UVRAG: variants seen among roughly 807,000 people sequenced by gnomAD.
The protein encoded by UVRAG is UV radiation resistance-associated gene protein.
In UVRAG, 19 loss-of-function variants were observed where a neutral mutation model predicts 78.0. The ratio of observed to expected loss-of-function variants is 0.24; its 90% confidence interval spans 0.17 to 0.36. The LOEUF (loss-of-function observed/expected upper bound fraction) is 0.36, where lower values mean the gene tolerates loss of function less well. UVRAG is among the 10% of genes least tolerant of loss of function. UVRAG has a pLI of 1.00. For missense variants in UVRAG, 740 were observed against 853.8 expected (o/e 0.87, Z 1.66); for synonymous variants, 323 against 324.6 (o/e 1.00, Z 0.05).
intron 9 of UVRAG, among the ~76,000 whole-genome samples, chr11:76,006,328 G>T (rs192490869): frequency 2.6e-5 from 4 of 151,976 alleles, no homozygotes; most frequent in African/African-American, 9.7e-5. Flanking sequence ...TACTTTACAG[G>T]TATTTTATGT....
At chr11:76,020,117 C>A (rs893673479) in intron 12 of UVRAG, among the ~76,000 whole-genome samples, 1 of 152,200 alleles carries the variant, frequency 6.6e-6, no homozygotes, top group Non-Finnish European at 1.5e-5. Flanking sequence ...CCACCATCAC[C>A]TAGACCCACG....
chr11:75,960,458 T>C (rs984889407), intron 6 of UVRAG, among the ~76,000 whole-genome samples: 1 of 152,144 alleles, frequency 6.6e-6, no homozygotes, highest in Admixed American at 6.5e-5. Flanking sequence ...GTATAAGAAA[T>C]ACATGAGCTA....
intron 12 of UVRAG, among the ~76,000 whole-genome samples, chr11:76,019,456 A>G (rs1036696017): frequency 3.3e-5 from 5 of 152,188 alleles, no homozygotes; most frequent in African/African-American, 1.2e-4. Flanking sequence ...TAGTCTCCAC[A>G]GTGTGGGCTT....
At chr11:75,855,748 T>C (rs1315227420) in intron 2 of UVRAG, among the ~76,000 whole-genome samples, 4 of 152,226 alleles carry the variant, frequency 2.6e-5, no homozygotes, top group African/African-American at 9.7e-5. Flanking sequence ...TCCGAAATGC[T>C]GGTTTCTAAG....
At chr11:76,034,100 T>G (rs1950485147) in intron 12 of UVRAG, among the ~76,000 whole-genome samples, 1 of 152,230 alleles carries the variant, frequency 6.6e-6, no homozygotes, top group Non-Finnish European at 1.5e-5. Context: ...GTTTTGGAAT[T>G]ATTCATAATT....
At chr11:76,021,814 G>A (rs1439816577) in intron 12 of UVRAG, among the ~76,000 whole-genome samples, 1 of 152,204 alleles carries the variant, frequency 6.6e-6, no homozygotes, top group African/African-American at 2.4e-5. Flanking sequence ...AGCACTCTGG[G>A]AGGCCAAGGC....
chr11:75,976,900 C>T (rs1326608910), intron 7 of UVRAG, among the ~76,000 whole-genome samples: 2 of 151,906 alleles, frequency 1.3e-5, no homozygotes, highest in Admixed American at 6.6e-5. Flanking sequence ...TTATTTCTTG[C>T]CTTCTGCTAG....
intron 12 of UVRAG, among the ~76,000 whole-genome samples, chr11:76,044,590 A>T (rs939502755): frequency 6.6e-6 from 1 of 152,076 alleles, no homozygotes; most frequent in African/African-American, 2.4e-5. Flanking sequence ...TGGGCAACAC[A>T]GTGAAACCCT....
chr11:76,081,224 T>C (rs1036669203), intron 13 of UVRAG, among the ~76,000 whole-genome samples: 9 of 152,180 alleles, frequency 5.9e-5, no homozygotes, highest in African/African-American at 2.2e-4. Context: ...CTTTTTTTTT[T>C]TGAGATGGTC....
Position 76,048,715 on chromosome 11 carries a change from T to G in UVRAG, c.1227-16995T>G, listed in dbSNP as rs1458359141. On this transcript the variant is annotated intron_variant, in intron 12 of 14. Coordinates refer to ENST00000356136, the MANE Select transcript of UVRAG (RefSeq NM_003369.4). ...TATAATGCAATTCCTAGACAGCATATTCACTTTAGAAAACTGACTTTAGCT... is the reference window on the plus strand; with the variant it reads ...TATAATGCAATTCCTAGACAGCATAGTCACTTTAGAAAACTGACTTTAGCT... Among the ~76,000 whole-genome samples, 8 of 152,356 alleles carry G rather than the reference T, an allele frequency of 5.3e-5. No homozygotes were observed. In the East Asian group the frequency reaches 1.5e-3, roughly 29 times the overall value.
At chr11:76,107,435 A>T (rs766915726) in intron 13 of UVRAG, among the ~76,000 whole-genome samples, 2 of 152,214 alleles carry the variant, frequency 1.3e-5, no homozygotes, top group Non-Finnish European at 2.9e-5. Context: ...GACTGGAAGG[A>T]GAAATGAAAG....
chr11:75,865,468 G>T (rs367984598), intron 3 of UVRAG, among the ~76,000 whole-genome samples: 2 of 152,082 alleles, frequency 1.3e-5, no homozygotes, highest in Admixed American at 1.3e-4. Context: ...GTTGCCACTG[G>T]CCACATGTGG....
chr11:75,960,132 G>C (rs950657726), intron 6 of UVRAG, among the ~76,000 whole-genome samples: 3 of 151,660 alleles, frequency 2.0e-5, no homozygotes, highest in Non-Finnish European at 2.9e-5. Context: ...GACATGAAGT[G>C]ACCACATGCT....
chr11:76,000,743 T>C lies in UVRAG; in HGVS notation c.827-3262T>C, dbSNP rs370039073. Among the ~76,000 whole-genome samples the C allele has an allele frequency of 2.0e-3, 299 of 152,298 alleles. 2 individuals are homozygous for C. The highest frequency in any genetic ancestry group is 7.0e-3 in the African/African-American group (291 of 41,566). On this transcript the variant is annotated intron_variant, in intron 8 of 14. Coordinates refer to ENST00000356136, the MANE Select transcript of UVRAG (RefSeq NM_003369.4). ...TATATTAATATCTGGCAAAGTAGAC[T>C]TCAAAACAAGGATTACTACCTGGAA... is the stretch of plus-strand genomic sequence containing the variant.
intron 6 of UVRAG, among the ~76,000 whole-genome samples, chr11:75,952,858 A>AT (rs1948729510): frequency 6.6e-6 from 1 of 152,020 alleles, no homozygotes; most frequent in African/African-American, 2.4e-5. Context: ...TGCTACTGGC[A>AT]TTTTACCGGT....
intron 14 of UVRAG, among the ~76,000 whole-genome samples, chr11:76,133,220 C>G (rs541587167): frequency 1.3e-5 from 2 of 152,152 alleles, no homozygotes; most frequent in South Asian, 4.2e-4. Context: ...CTCATTTAAT[C>G]CTTACTGCAG....
chr11:75,954,060 G>A (rs955400294), intron 6 of UVRAG, among the ~76,000 whole-genome samples: 1 of 152,130 alleles, frequency 6.6e-6, no homozygotes, highest in Non-Finnish European at 1.5e-5. Flanking sequence ...ATCCCCAGGG[G>A]AATCAGGATG....
chr11:75,840,434 G>T lies in UVRAG; in HGVS notation c.118-11449G>T, dbSNP rs184812391. ...ATGGGGCGGGGGAAGGCAAGTTTTG[G>T]GGCCTTTCACCAAGTTTGGGGGTAA... On this transcript the variant is annotated intron_variant, in intron 1 of 14. Transcript: ENST00000356136. Among the ~76,000 whole-genome samples the T allele has an allele frequency of 6.3e-3, 954 of 152,132 alleles. 9 individuals carry two copies. Among genetic ancestry groups the T allele is most frequent in the African/African-American group, 0.021 (882 of 41,464 alleles).
chr11:75,957,188 T>C (rs1253831546), intron 6 of UVRAG, among the ~76,000 whole-genome samples: 2 of 152,164 alleles, frequency 1.3e-5, no homozygotes, highest in African/African-American at 4.8e-5. Flanking sequence ...ATAAGTGTTA[T>C]GATTTCAGCT....
Sources: gnomAD v4.1 joint callset for allele counts (sites outside exome capture counted in the v4.1 genomes callset) on GRCh38, gnomAD v4.1.1 for gene constraint, MANE v1.5 for transcripts, NCBI Gene and HGNC (gene_info 2026-07-23, HGNC 2026-07-21) for gene names.